The following NRXN3 variants were observed in gnomAD, a reference collection of about 807,000 sequenced individuals.
The protein encoded by NRXN3 is neurexin 3.
Under a neutral mutation model 137.6 loss-of-function variants are expected in NRXN3, and 32 were observed. That is an observed-to-expected ratio of 0.23 (90% CI 0.18 to 0.31). The LOEUF (loss-of-function observed/expected upper bound fraction) is 0.31. NRXN3 is among the 10% of genes least tolerant of loss of function. The pLI, the probability that NRXN3 is intolerant of heterozygous loss-of-function variation, is 1.00. For missense variants in NRXN3, 1,574 were observed against 2,062.5 expected (o/e 0.76, Z 4.59); for synonymous variants, 798 against 784.5 (o/e 1.02, Z -0.29).
intron 4 of NRXN3, among the ~76,000 whole-genome samples, chr14:78,536,191 T>C (rs1382281952): frequency 6.6e-6 from 1 of 152,230 alleles, no homozygotes; most frequent in Non-Finnish European, 1.5e-5. Context: ...TCCTGTGCTA[T>C]AGACCAGAAG....
At chr14:79,633,759 G>A (rs2153943275) in intron 16 of NRXN3, among the ~76,000 whole-genome samples, 1 of 152,312 alleles carries the variant, frequency 6.6e-6, no homozygotes, top group East Asian at 1.9e-4. Context: ...ACAGAACGGT[G>A]CTGTTTGCTG....
intron 3 of NRXN3, among the ~76,000 whole-genome samples, chr14:78,284,814 T>A (rs2074940561): frequency 6.6e-6 from 1 of 152,092 alleles, no homozygotes; most frequent in South Asian, 2.1e-4. Context: ...TCCCAGCCAT[T>A]GTTCTCAAGT....
chr14:79,630,456 A>G (rs1022763904), intron 16 of NRXN3, among the ~76,000 whole-genome samples: 3 of 152,176 alleles, frequency 2.0e-5, no homozygotes, highest in Admixed American at 2.0e-4. Flanking sequence ...TTGGAATCTT[A>G]ACTGTTCTTG....
intron 19 of NRXN3, among the ~76,000 whole-genome samples, chr14:79,788,280 C>T (rs920779996): frequency 2.6e-5 from 4 of 152,156 alleles, no homozygotes; most frequent in South Asian, 2.1e-4. Flanking sequence ...TGGGGATTAT[C>T]GCAATTCAAG....
intron 8 of NRXN3, among the ~76,000 whole-genome samples, chr14:78,746,200 G>A (rs908217961): frequency 1.3e-5 from 2 of 152,164 alleles, no homozygotes; most frequent in African/African-American, 4.8e-5. Flanking sequence ...GGCTGCTAAT[G>A]TTCTCTAAGC....
chr14:79,549,506 A>T (rs1374133690), intron 16 of NRXN3, among the ~76,000 whole-genome samples: 2 of 152,110 alleles, frequency 1.3e-5, no homozygotes, highest in African/African-American at 2.4e-5. Flanking sequence ...TCACCAAAAC[A>T]CACATATTCC....
At chr14:78,613,608 T>C (rs1036374921) in intron 4 of NRXN3, among the ~76,000 whole-genome samples, 5 of 143,534 alleles carry the variant, frequency 3.5e-5, no homozygotes, top group Non-Finnish European at 4.5e-5. Flanking sequence ...TTTTTTCCCT[T>C]GGAAAGGAAT....
chr14:78,257,644 G>A (rs966225183), intron 2 of NRXN3, among the ~76,000 whole-genome samples: 2 of 152,200 alleles, frequency 1.3e-5, no homozygotes, highest in East Asian at 1.9e-4. Flanking sequence ...AGCTGTTTGC[G>A]GTAGTCAATG....
intron 4 of NRXN3, among the ~76,000 whole-genome samples, chr14:78,592,130 A>G (rs2097123206): frequency 6.6e-6 from 1 of 152,226 alleles, no homozygotes; most frequent in Non-Finnish European, 1.5e-5. Flanking sequence ...ATGAAATTTA[A>G]AAGACTGAAA....
chr14:78,584,950 T>C (rs192659494), intron 4 of NRXN3, among the ~76,000 whole-genome samples: 14 of 152,326 alleles, frequency 9.2e-5, no homozygotes, highest in Admixed American at 5.2e-4. Flanking sequence ...GAATGTTCAA[T>C]ATCTACTCCA....
At chr14:79,204,521 T>G (rs1253464239) in intron 15 of NRXN3, among the ~76,000 whole-genome samples, 2 of 152,120 alleles carry the variant, frequency 1.3e-5, no homozygotes, top group Admixed American at 1.3e-4. Context: ...GAAAGCAGCA[T>G]CAGAATCTTG....
intron 10 of NRXN3, among the ~76,000 whole-genome samples, chr14:78,952,980 T>C (rs118065110): frequency 2.3e-4 from 35 of 152,286 alleles, no homozygotes; most frequent in Non-Finnish European, 4.9e-4. Context: ...GTTTAGTTGG[T>C]TTGGCCAGGT....
intron 19 of NRXN3, among the ~76,000 whole-genome samples, chr14:79,712,493 AT>A (rs1308067472): frequency 6.6e-6 from 1 of 152,254 alleles, no homozygotes; most frequent in African/African-American, 2.4e-5. Flanking sequence ...GCTGCATAGA[AT>A]GTGCCAGACA....
intron 4 of NRXN3, among the ~76,000 whole-genome samples, chr14:78,417,828 C>T (rs1349752307): frequency 1.3e-5 from 2 of 152,298 alleles, no homozygotes; most frequent in South Asian, 2.1e-4. Flanking sequence ...ACGATCTGGT[C>T]TCACTGCAAC....
intron 8 of NRXN3, among the ~76,000 whole-genome samples, chr14:78,798,820 T>C (rs1339839625): frequency 6.6e-6 from 1 of 152,240 alleles, no homozygotes; most frequent in African/African-American, 2.4e-5. Flanking sequence ...CTGCCAAGGC[T>C]TGGGGCTTGA....
rs544485079 is a variant in NRXN3, at chr14:79,725,857, G to C, written c.4014+27920G>C. 2.0e-5 allele frequency among the ~76,000 whole-genome samples: 3 copies of C among 152,242 alleles called. No homozygotes were observed. In the South Asian group the frequency reaches 6.2e-4, roughly 32 times the overall value. On this transcript the variant is annotated intron_variant, in intron 19 of 20. Transcript: ENST00000335750. ...AGCTTCTGGAAGGGGAAAAATGACA[G>C]TGCAGTTGTTTGCTAACATCTGGGT...
chr14:78,542,035 C>T (rs1017676867), intron 4 of NRXN3, among the ~76,000 whole-genome samples: 1 of 152,238 alleles, frequency 6.6e-6, no homozygotes, highest in African/African-American at 2.4e-5. Context: ...CTGATTCTTC[C>T]TCTGGAAGCT....
Position 78,581,383 on chromosome 14 carries a change from C to T in NRXN3, c.758-63737C>T, listed in dbSNP as rs551998612. 2.9e-4 allele frequency among the ~76,000 whole-genome samples: 44 copies of T among 152,296 alleles called. No homozygotes were observed. In the South Asian group the frequency reaches 5.6e-3, roughly 19 times the overall value. ...TGAGGGCTGCTCTCTGCTTCCGGGA[C>T]GACAGCTTGTTGCTACTTCCTCCTA... On this transcript the variant is annotated intron_variant, in intron 4 of 20. Transcript: ENST00000335750.
At chr14:78,429,191 C>T (rs2093777813) in intron 4 of NRXN3, among the ~76,000 whole-genome samples, 2 of 151,968 alleles carry the variant, frequency 1.3e-5, no homozygotes, top group Admixed American at 1.3e-4. Flanking sequence ...ATTCTCGTGC[C>T]TCTGCCTCCT....
Sources: allele counts gnomAD v4.1 joint callset (sites outside exome capture counted in the v4.1 genomes callset), GRCh38; gene constraint gnomAD v4.1.1; transcripts MANE v1.5; gene names NCBI Gene and HGNC (gene_info 2026-07-23, HGNC 2026-07-21).